The following VIPR2 variants were observed in gnomAD, a reference collection of about 807,000 sequenced individuals.
The protein encoded by VIPR2 is vasoactive intestinal polypeptide receptor 2.
In VIPR2, 48 loss-of-function variants were observed where a neutral mutation model predicts 58.0. The ratio of observed to expected loss-of-function variants is 0.83; its 90% CI spans 0.66 to 1.05. The LOEUF (loss-of-function observed/expected upper bound fraction) is 1.05. Ranked by LOEUF, VIPR2 falls within the 50% of genes least tolerant of loss-of-function variation. The probability of loss-of-function intolerance (pLI) is 0.00; values close to 1 mark genes in which losing one functional copy is unlikely to be tolerated. For synonymous variants in VIPR2, 243 were observed against 235.2 expected, an observed-to-expected ratio of 1.03 and a Z score of -0.30; for missense variants, 534 against 558.0, an observed-to-expected ratio of 0.96 and a Z score of 0.43.
chr7:159,042,238 T>A (rs1417885660), intron 6 of VIPR2, among the ~76,000 whole-genome samples: 1 of 152,168 alleles, frequency 6.6e-6, no homozygotes, highest in East Asian at 1.9e-4. Context: ...TCCTGGCTCC[T>A]TAAGAAGAAC....
intron 4 of VIPR2, among the ~76,000 whole-genome samples, chr7:159,075,735 C>T (rs895491413): frequency 3.5e-5 from 5 of 143,368 alleles, no homozygotes; most frequent in East Asian, 2.1e-4. Flanking sequence ...CCAGCACCCA[C>T]GGACCCACTG....
At chr7:159,140,648 C>T (rs1256786880) in intron 2 of VIPR2, among the ~76,000 whole-genome samples, 3 of 152,204 alleles carry the variant, frequency 2.0e-5, no homozygotes, top group Non-Finnish European at 4.4e-5. Flanking sequence ...GCAAGAAAGC[C>T]GAGTGACAAG....
Position 159,031,125 on chromosome 7 carries a change from T to C in VIPR2, c.1144-336A>G, listed in dbSNP as rs1853549447. On this transcript the variant is annotated intron_variant, in intron 12 of 12. Coordinates refer to ENST00000262178, the MANE Select transcript of VIPR2 (RefSeq NM_003382.5). The surrounding 1 kb of genome is among the most constrained non-coding windows in gnomAD (Gnocchi z 4.0). ...TTAGCAGCCGGGGTTGTGACGGTGCTGGGCCTCCGTCTCCTTCCCTGTTCC... is the reference window on the plus strand; with the variant it reads ...TTAGCAGCCGGGGTTGTGACGGTGCCGGGCCTCCGTCTCCTTCCCTGTTCC... Among the ~76,000 whole-genome samples, 1 of 152,010 alleles carries C rather than the reference T, an allele frequency of 6.6e-6. No homozygotes were observed. The highest frequency in any genetic ancestry group is 2.1e-4 in the South Asian group (1 of 4,808).
rs138310908 is a variant in VIPR2 at position 159,105,624 on chromosome 7, G to A, written c.260-1770C>T. 4.3e-3 allele frequency among the ~76,000 whole-genome samples: 650 copies of A among 152,130 alleles called. 1 individual carries two copies. The highest frequency in any genetic ancestry group is 4.6e-3 in the Non-Finnish European group (316 of 67,984). On this transcript the variant is annotated intron_variant, in intron 3 of 12. Transcript: ENST00000262178. ...GGCTGGCCCTGCCCACTGGCACCCCGACACCATCACCAATCAGGGGCTCTG... is the reference window on the plus strand; with the variant it reads ...GGCTGGCCCTGCCCACTGGCACCCCAACACCATCACCAATCAGGGGCTCTG...
chr7:159,041,860 A>G (rs970285104), intron 6 of VIPR2, among the ~76,000 whole-genome samples: 24 of 152,054 alleles, frequency 1.6e-4, no homozygotes, highest in African/African-American at 5.5e-4. Context: ...TCGGTGAGAG[A>G]GAATCCGACA....
intron 2 of VIPR2, among the ~76,000 whole-genome samples, chr7:159,137,821 T>A (rs1252867579): frequency 6.6e-6 from 1 of 152,186 alleles, no homozygotes; most frequent in Non-Finnish European, 1.5e-5. Context: ...GCTGTTTATC[T>A]CATCAGTCCA....
intron 2 of VIPR2, among the ~76,000 whole-genome samples, chr7:159,126,721 G>A (rs1796662059): frequency 1.3e-5 from 2 of 152,200 alleles, no homozygotes; most frequent in Non-Finnish European, 2.9e-5. Flanking sequence ...GTCCACAGAG[G>A]CAGAAACCAG....
At chr7:159,038,979 A>G (rs540658042) in intron 6 of VIPR2, among the ~76,000 whole-genome samples, 45 of 152,326 alleles carry the variant, frequency 3.0e-4, no homozygotes, top group Non-Finnish European at 5.9e-4. Context: ...GAAAGATGCC[A>G]GTTCTCAGCA....
rs535354227 is a variant in VIPR2, at chr7:159,103,773, G to A, written c.341C>T (p.Pro114Leu). Residue 114 changes from proline to leucine, a missense_variant, in exon 4 of 13, where the codon CCG becomes CTG. Around this residue, in one of 3 missense-constraint regions of VIPR2, gnomAD observed 224 missense variants for 255.7 expected, o/e 0.88. Coordinates refer to ENST00000262178, the MANE Select transcript of VIPR2 (RefSeq NM_003382.5). ...DFVDACGYSD[P>L]EDESKITFYI... ...GGAGCCTACCTTGCTCTCATCCTCC[G>A]GGTCGCTGTAGCCACAGGCATCGAC... is the stretch of plus-strand genomic sequence containing the variant. The A allele has an allele frequency of 4.2e-5, 67 of 1,613,958 alleles. No homozygotes were observed. Among genetic ancestry groups the A allele is most frequent in the Admixed American group, 1.7e-4 (10 of 60,014 alleles).
chr7:159,039,973 C>G (rs189631383), intron 6 of VIPR2, among the ~76,000 whole-genome samples: 1 of 152,194 alleles, frequency 6.6e-6, no homozygotes, highest in African/African-American at 2.4e-5. Flanking sequence ...AAGCAGGCGC[C>G]GACCTGGTGG....
chr7:159,123,851 G>T (rs982030495), intron 2 of VIPR2, among the ~76,000 whole-genome samples: 1 of 152,182 alleles, frequency 6.6e-6, no homozygotes, highest in African/African-American at 2.4e-5. Context: ...ATTCTGACTG[G>T]TGTGAGATGG....
chr7:159,133,074 C>T (rs1303351822), intron 2 of VIPR2, among the ~76,000 whole-genome samples: 1 of 23,378 alleles, frequency 4.3e-5, no homozygotes. Flanking sequence ...AACACTCAAA[C>T]AAAACGCTAT....
intron 2 of VIPR2, among the ~76,000 whole-genome samples, chr7:159,124,773 G>T (rs186725679): frequency 1.2e-3 from 187 of 152,268 alleles, no homozygotes; most frequent in Non-Finnish European, 2.3e-3. Flanking sequence ...ATGAGCAGGG[G>T]ATGTTTTTCC....
chr7:159,114,919 G>C (rs1010104682), intron 2 of VIPR2, among the ~76,000 whole-genome samples: 12 of 152,194 alleles, frequency 7.9e-5, no homozygotes, highest in Non-Finnish European at 1.5e-4. Context: ...GTACAACTGA[G>C]GAGCCAGGTT....
At position 159,096,920 on chromosome 7, in the gene VIPR2, G is replaced by A. The variant is rs943498401; in HGVS notation, c.357+6837C>T. On this transcript the variant is annotated intron_variant, in intron 4 of 12. Coordinates refer to ENST00000262178, the MANE Select transcript of VIPR2 (RefSeq NM_003382.5). The surrounding 1 kb of genome is among the most constrained non-coding windows in gnomAD (Gnocchi z 5.5). ...GCTGTCCCCGTTCCCATCACTCGAT[G>A]AGCCAATGCCCTCGTGGCTGGCATT... is the stretch of plus-strand genomic sequence containing the variant. 2 of 1,550,784 alleles carry A rather than the reference G, an allele frequency of 1.3e-6. No homozygotes were observed. The highest frequency in any genetic ancestry group is 8.7e-7 in the Non-Finnish European group (1 of 1,147,100).
chr7:159,043,023 G>A lies in VIPR2; in HGVS notation c.597+12C>T. On this transcript the variant is annotated intron_variant, in intron 6 of 12. Coordinates refer to ENST00000262178, the MANE Select transcript of VIPR2 (RefSeq NM_003382.5). ...ACAAGACAGTGGGACCCTGTGGTGGGGACAGCCTTACCCAGGAGGATGGCT... is the reference window on the plus strand; with the variant it reads ...ACAAGACAGTGGGACCCTGTGGTGGAGACAGCCTTACCCAGGAGGATGGCT... 3.1e-6 allele frequency: 5 copies of A among 1,613,072 alleles called. No individual in the cohort carries two copies. Among genetic ancestry groups the A allele is most frequent in the African/African-American group, 1.3e-5 (1 of 75,034 alleles).
intron 2 of VIPR2, among the ~76,000 whole-genome samples, chr7:159,115,676 G>A (rs567691648): frequency 6.6e-6 from 1 of 152,362 alleles, no homozygotes; most frequent in Non-Finnish European, 1.5e-5. Flanking sequence ...AAGCCCCTGA[G>A]CTCAGGCTTG....
chr7:159,115,962 G>T (rs1350529773), intron 2 of VIPR2, among the ~76,000 whole-genome samples: 1 of 152,128 alleles, frequency 6.6e-6, no homozygotes, highest in Non-Finnish European at 1.5e-5. Flanking sequence ...GTGAGGCATC[G>T]ATTTGTTTGT....
At chr7:159,126,864 C>T (rs1049703370) in intron 2 of VIPR2, among the ~76,000 whole-genome samples, 1 of 152,232 alleles carries the variant, frequency 6.6e-6, no homozygotes, top group African/African-American at 2.4e-5. Flanking sequence ...CACTGCCACG[C>T]ACTGTACTAT....
Sources: allele counts gnomAD v4.1 joint callset (sites outside exome capture counted in the v4.1 genomes callset), GRCh38; gene constraint gnomAD v4.1.1; regional missense constraint gnomAD v4.1.1; non-coding constraint Gnocchi (gnomAD v3.1); transcripts MANE v1.5; gene names NCBI Gene and HGNC (gene_info 2026-07-23, HGNC 2026-07-21).